The following TTC28 variants were observed in gnomAD, a reference collection of about 807,000 sequenced individuals.
TTC28 encodes tetratricopeptide repeat domain 28.
Under a neutral mutation model 198.0 loss-of-function variants are expected in TTC28, and 61 were observed. That is an observed-to-expected ratio of 0.31 (90% CI 0.25 to 0.38). The LOEUF (loss-of-function observed/expected upper bound fraction) is 0.38. TTC28 is among the 10% of genes least tolerant of loss of function. The pLI is 1.00. For synonymous variants in TTC28, 1,171 were observed against 1,297.8 expected (o/e 0.90, Z 2.10); for missense variants, 2,678 against 3,164.0 (o/e 0.85, Z 3.69).
chr22:28,112,106 T>C (rs532487855), intron 6 of TTC28, among the ~76,000 whole-genome samples: 3 of 152,320 alleles, frequency 2.0e-5, no homozygotes, highest in South Asian at 2.1e-4. Flanking sequence ...AAATTGAAAA[T>C]ATTTTGGCAA....
chr22:28,278,281 C>T (rs549948186), intron 5 of TTC28, among the ~76,000 whole-genome samples: 2 of 152,190 alleles, frequency 1.3e-5, no homozygotes, highest in African/African-American at 4.8e-5. Context: ...ATAATGTACA[C>T]AAAAATGAGA....
rs1055465986 is a variant in TTC28, at chr22:27,998,617, T to C, written c.5042A>G (p.Lys1681Arg). ...GGCCTCCCCCAGGGCGGCGCTGGCT[T>C]TCAGGCCGTTCAGCAGGGATGAGTA... is the stretch of plus-strand genomic sequence containing the variant. ...AFYSSLLNGLKASAALGEAMK... is the reference protein window; with the variant it reads ...AFYSSLLNGLRASAALGEAMK... The change falls in exon 16 of 23, where the codon AAA becomes AGA. Residue 1681 changes from lysine (K) to arginine (R), a missense_variant. Around this residue, in one of 8 missense-constraint regions of TTC28, gnomAD observed 314 missense variants for 442.7 expected, o/e 0.71. Transcript: ENST00000397906. 6.3e-5 allele frequency: 97 copies of C among 1,550,758 alleles called. 1 individual carries two copies. The highest frequency in any genetic ancestry group is 7.9e-5 in the Non-Finnish European group (91 of 1,146,992).
chr22:28,073,211 A>C (rs1422540950), intron 12 of TTC28, among the ~76,000 whole-genome samples: 1 of 152,216 alleles, frequency 6.6e-6, no homozygotes, highest in Admixed American at 6.5e-5. Context: ...AGGCTTTCAA[A>C]TAAATGGGAA....
At chr22:28,673,986 G>GA (rs1005450402) in intron 1 of TTC28, among the ~76,000 whole-genome samples, 6 of 151,788 alleles carry the variant, frequency 4.0e-5, no homozygotes, top group African/African-American at 1.5e-4. Flanking sequence ...CTGCTTTCAG[G>GA]AAAAAAAGTA....
In TTC28 at chr22:28,107,921, A is replaced by G; in HGVS notation, c.1924T>C (p.Tyr642His). The G allele has an allele frequency of 6.4e-7, 1 of 1,551,716 alleles. No individual in the cohort carries two copies. The highest frequency in any genetic ancestry group is 8.7e-7 in the Non-Finnish European group (1 of 1,146,994). ...TAGTTTCCAAGGCAGTAATGGGCATAGCCAAGATTGTGGCAGACCTTCCCT... is the reference window on the plus strand; with the variant it reads ...TAGTTTCCAAGGCAGTAATGGGCATGGCCAAGATTGTGGCAGACCTTCCCT... ...GEGKVCHNLG[Y>H]AHYCLGNYQE... Residue 642 changes from tyrosine to histidine, a missense_variant, in exon 7 of 23, where the codon TAT becomes CAT. Tyr to His is a moderately conservative substitution (Grantham distance 83). Transcript: ENST00000397906.
chr22:28,494,044 T>C (rs578210491), intron 2 of TTC28, among the ~76,000 whole-genome samples: 1 of 152,204 alleles, frequency 6.6e-6, no homozygotes, highest in Non-Finnish European at 1.5e-5. Context: ...TGAACACTGA[T>C]TAAACTATCT....
chr22:28,085,472 G>C (rs1941550202), intron 12 of TTC28, among the ~76,000 whole-genome samples: 2 of 152,120 alleles, frequency 1.3e-5, no homozygotes, highest in African/African-American at 4.8e-5. Context: ...GACAGATTTT[G>C]TCACCACCAG....
intron 13 of TTC28, among the ~76,000 whole-genome samples, chr22:28,024,875 T>C (rs1445079625): frequency 1.3e-5 from 2 of 152,164 alleles, no homozygotes; most frequent in Non-Finnish European, 2.9e-5. Flanking sequence ...ATGGCAGCCA[T>C]GGCATGCTCT....
intron 2 of TTC28, among the ~76,000 whole-genome samples, chr22:28,434,624 G>T (rs2047489839): frequency 6.6e-6 from 1 of 152,138 alleles, no homozygotes; most frequent in African/African-American, 2.4e-5. Context: ...ATCACTCACT[G>T]TGACATTTTC....
chr22:28,624,417 T>C (rs1413338330), intron 2 of TTC28, among the ~76,000 whole-genome samples: 1 of 151,712 alleles, frequency 6.6e-6, no homozygotes, highest in South Asian at 2.1e-4. Flanking sequence ...AACATCACTA[T>C]GGATTCTTCA....
At chr22:28,153,894 G>A (rs1050185723) in intron 6 of TTC28, among the ~76,000 whole-genome samples, 2 of 152,104 alleles carry the variant, frequency 1.3e-5, no homozygotes, top group African/African-American at 2.4e-5. Flanking sequence ...TCTACCTCTC[G>A]TATTTGACCC....
intron 2 of TTC28, among the ~76,000 whole-genome samples, chr22:28,439,306 AT>A (rs2047576397): frequency 6.6e-6 from 1 of 152,340 alleles, no homozygotes; most frequent in Non-Finnish European, 1.5e-5. Flanking sequence ...TGCTCCAAGA[AT>A]TCAGAGGTGG....
At chr22:28,415,048 G>A (rs2047146183) in intron 2 of TTC28, among the ~76,000 whole-genome samples, 1 of 152,118 alleles carries the variant, frequency 6.6e-6, no homozygotes, top group South Asian at 2.1e-4. Context: ...TTACCATCTA[G>A]CTCACAAGTT....
intron 12 of TTC28, among the ~76,000 whole-genome samples, chr22:28,057,638 C>A (rs1940341929): frequency 6.6e-6 from 1 of 151,468 alleles, no homozygotes; most frequent in African/African-American, 2.4e-5. Flanking sequence ...AATTTTTTTT[C>A]TTTTCTGGCT....
intron 2 of TTC28, among the ~76,000 whole-genome samples, chr22:28,424,784 C>T (rs1173322987): frequency 6.6e-6 from 1 of 152,170 alleles, no homozygotes; most frequent in Non-Finnish European, 1.5e-5. Flanking sequence ...TCCTGTTTCA[C>T]AAACCTCCTG....
At chr22:28,422,438 A>AT (rs2047270979) in intron 2 of TTC28, among the ~76,000 whole-genome samples, 1 of 151,946 alleles carries the variant, frequency 6.6e-6, no homozygotes, top group Non-Finnish European at 1.5e-5. Flanking sequence ...ATAACATTAA[A>AT]TAATTTTTTT....
At chr22:28,504,775 A>C (rs917755122) in intron 2 of TTC28, among the ~76,000 whole-genome samples, 1 of 152,064 alleles carries the variant, frequency 6.6e-6, no homozygotes, top group African/African-American at 2.4e-5. Flanking sequence ...TTCTTGATAT[A>C]ATGTCAGTAA....
At chr22:28,358,471 TTC>T (rs548461642) in intron 2 of TTC28, among the ~76,000 whole-genome samples, 7 of 152,340 alleles carry the variant, frequency 4.6e-5, no homozygotes, top group Admixed American at 4.6e-4. Flanking sequence ...CAGTTTGAAC[TTC>T]TGACTAGTTC....
chr22:28,495,639 A>C lies in TTC28; in HGVS notation c.381+133913T>G, dbSNP rs932623058. 6.6e-5 allele frequency among the ~76,000 whole-genome samples: 10 copies of C among 152,352 alleles called. No individual in the cohort carries two copies. The South Asian group carries it at 1.4e-3, about 22-fold the overall frequency. On this transcript the variant is annotated intron_variant, in intron 2 of 22. Transcript: ENST00000397906. ...AAAATAGTGAATTAAATATAAGGGA[A>C]TAAAAGGTATTCCTTGTTTGATGGT...
Sources: gnomAD v4.1 joint callset for allele counts (sites outside exome capture counted in the v4.1 genomes callset) on GRCh38, gnomAD v4.1.1 for gene constraint, gnomAD v4.1.1 regional missense constraint, MANE v1.5 for transcripts, NCBI Gene and HGNC (gene_info 2026-07-23, HGNC 2026-07-21) for gene names.